The following OVCH1 variants were observed in gnomAD, a reference collection of about 807,000 sequenced individuals.
OVCH1 encodes ovochymase 1, also known as ovochymase-1.
Under a neutral mutation model 138.4 loss-of-function variants are expected in OVCH1, and 139 were observed. That is an observed-to-expected ratio of 1.00 (90% CI 0.87 to 1.16). The LOEUF is 1.16. Among genes scored for constraint, OVCH1 ranks in the 50% most tolerant of loss-of-function variants. The pLI, the probability that OVCH1 is intolerant of heterozygous loss-of-function variation, is 0.00. For missense variants in OVCH1, 1,367 were observed against 1,357.9 expected (o/e 1.01, Z -0.11); for synonymous variants, 453 against 467.8 (o/e 0.97, Z 0.41).
At chr12:29,434,659 G>A (rs192546157) in intron 26 of OVCH1, among the ~76,000 whole-genome samples, 84 of 151,874 alleles carry the variant, frequency 5.5e-4, no homozygotes, top group Non-Finnish European at 1.0e-3. Context: ...TGTGAAAATC[G>A]TAAGAGATTT....
intron 19 of OVCH1, among the ~76,000 whole-genome samples, chr12:29,456,609 T>A (rs1233864336): frequency 1.3e-5 from 2 of 152,236 alleles, no homozygotes; most frequent in East Asian, 3.8e-4. Context: ...CATTTATCTA[T>A]TAATTAGCAC....
chr12:29,487,323 A>C (rs1943139088), intron 7 of OVCH1: 1 of 175,970 alleles, frequency 5.7e-6, no homozygotes, highest in Admixed American at 5.9e-5. Flanking sequence ...GAAGTTAACA[A>C]GGTTGAACAG....
At chr12:29,447,123 GAAT>G (rs1270399991) in intron 22 of OVCH1, among the ~76,000 whole-genome samples, 1 of 151,880 alleles carries the variant, frequency 6.6e-6, no homozygotes, top group Admixed American at 6.6e-5. Context: ...GCAATAAAAA[GAAT>G]AATACTCAAA....
intron 13 of OVCH1, among the ~76,000 whole-genome samples, chr12:29,475,977 A>G (rs933442560): frequency 6.6e-6 from 1 of 152,226 alleles, no homozygotes; most frequent in Admixed American, 6.5e-5. Flanking sequence ...TTCACCTTAC[A>G]TGCAGTCTGA....
chr12:29,459,245 A>G (rs1233508764), intron 19 of OVCH1, among the ~76,000 whole-genome samples: 1 of 152,216 alleles, frequency 6.6e-6, no homozygotes, highest in Non-Finnish European at 1.5e-5. Context: ...GTATCCATCA[A>G]CAGATGAATG....
intron 24 of OVCH1, 95 bp from the exon 25 acceptor site, chr12:29,443,595 C>A: frequency 8.4e-7 from 1 of 1,186,940 alleles, no homozygotes; most frequent in Non-Finnish European, 1.1e-6. Context: ...TGTTATTGAC[C>A]CCCAGTGAGC....
chr12:29,450,448 A>G (rs1461999860), intron 22 of OVCH1, among the ~76,000 whole-genome samples: 1 of 152,220 alleles, frequency 6.6e-6, no homozygotes, highest in Non-Finnish European at 1.5e-5. Flanking sequence ...GAGAAATGCA[A>G]ATTAAAACCA....
downstream of OVCH1, among the ~76,000 whole-genome samples, chr12:29,411,599 C>T (rs548460744): frequency 6.6e-4 from 101 of 152,200 alleles, no homozygotes; most frequent in Non-Finnish European, 1.2e-3. Flanking sequence ...GTATCAGCAG[C>T]GGTGTTTGCA....
chr12:29,497,060 C>T (rs1943437473), intron 1 of OVCH1, among the ~76,000 whole-genome samples: 1 of 152,114 alleles, frequency 6.6e-6, no homozygotes, highest in African/African-American at 2.4e-5. Flanking sequence ...CACTTGAACC[C>T]AGGAGGTCAG....
At chr12:29,407,139 T>G in the OVCH1 span, among the ~76,000 whole-genome samples, 1 of 151,802 alleles carries the variant, frequency 6.6e-6, no homozygotes, top group South Asian at 2.1e-4. Flanking sequence ...CTTCGCCCAC[T>G]TCTTGATGGG....
At chr12:29,475,700 G>A (rs1321189584) in intron 13 of OVCH1, among the ~76,000 whole-genome samples, 1 of 152,146 alleles carries the variant, frequency 6.6e-6, no homozygotes, top group Admixed American at 6.6e-5. Flanking sequence ...ACATCCAGCT[G>A]AGGGACAGAT....
exon 25 of OVCH1, chr12:29,443,494 T>G: frequency 6.3e-7 from 1 of 1,599,608 alleles, no homozygotes; most frequent in Middle Eastern, 1.7e-4. Flanking sequence ...CTAATCTCCA[T>G]TGGCAACTAT....
At chr12:29,494,761 G>A (rs1266279711) in intron 4 of OVCH1, among the ~76,000 whole-genome samples, 1 of 152,110 alleles carries the variant, frequency 6.6e-6, no homozygotes, top group African/African-American at 2.4e-5. Context: ...GAGCTAAAAT[G>A]CTGAATCTCA....
chr12:29,419,292 GA>G (rs1364833939), intron 3 of OVCH1, among the ~76,000 whole-genome samples: 1 of 135,170 alleles, frequency 7.4e-6, no homozygotes, highest in African/African-American at 2.6e-5. Context: ...AACAAAGTAT[GA>G]TTTTTTTTTT....
At chr12:29,453,202 G>A (rs1941847919) in intron 21 of OVCH1, among the ~76,000 whole-genome samples, 1 of 152,088 alleles carries the variant, frequency 6.6e-6, no homozygotes, top group Admixed American at 6.6e-5. Context: ...TCTGCTCTCT[G>A]TCTCAATCCC....
chr12:29,418,202 T>G (rs1941057764), intron 3 of OVCH1, among the ~76,000 whole-genome samples: 1 of 152,220 alleles, frequency 6.6e-6, no homozygotes. Context: ...ATTGCATGAC[T>G]ACTACATGAC....
chr12:29,469,007 A>G (rs1942413177), intron 16 of OVCH1, among the ~76,000 whole-genome samples: 1 of 152,166 alleles, frequency 6.6e-6, no homozygotes, highest in Non-Finnish European at 1.5e-5. Flanking sequence ...GCAGTGTTAC[A>G]AAAGGATGAG....
chr12:29,412,820 C>G (rs904287336), intron 3 of OVCH1: 1 of 152,176 alleles, frequency 6.6e-6, no homozygotes, highest in African/African-American at 2.4e-5. Context: ...TCAGTGACAG[C>G]TCTAGAAATA....
At chr12:29,409,013 A>C (rs1940918579), downstream of OVCH1, among the ~76,000 whole-genome samples, 1 of 152,066 alleles carries the variant, frequency 6.6e-6, no homozygotes, top group Non-Finnish European at 1.5e-5. Flanking sequence ...TCAGAGATTC[A>C]ACTTCTTCCT....
Sources: allele counts gnomAD v4.1 joint callset (sites outside exome capture counted in the v4.1 genomes callset), GRCh38; gene constraint gnomAD v4.1.1; transcripts MANE v1.5; gene names NCBI Gene and HGNC (gene_info 2026-07-23, HGNC 2026-07-21).